CMSS1: variants seen among roughly 807,000 people sequenced by gnomAD.
The protein encoded by CMSS1 is protein CMSS1.
In CMSS1, 33 loss-of-function variants were observed where a neutral mutation model predicts 43.5. That is an observed-to-expected ratio of 0.76 (90% CI 0.57 to 1.01). The LOEUF (loss-of-function observed/expected upper bound fraction) is 1.01. Among genes scored for constraint, CMSS1 ranks in the 50% least tolerant of loss-of-function variants. The pLI is 0.00. For synonymous variants in CMSS1, 115 were observed against 117.2 expected (o/e 0.98, Z 0.12); for missense variants, 313 against 326.4 (o/e 0.96, Z 0.32).
At chr3:100,175,220 GT>G (rs1314086563) in intron 8 of CMSS1, among the ~76,000 whole-genome samples, 1 of 152,058 alleles carries the variant, frequency 6.6e-6, no homozygotes, top group African/African-American at 2.4e-5. Flanking sequence ...CTATGTTTAT[GT>G]TTCTGATGCT....
intron 1 of CMSS1, among the ~76,000 whole-genome samples, chr3:99,863,452 T>C (rs1000783729): frequency 6.6e-6 from 1 of 152,192 alleles, no homozygotes; most frequent in Non-Finnish European, 1.5e-5. Context: ...TATATACTAT[T>C]CCTGGGCTTG....
At chr3:99,834,691 C>T (rs542415300) in intron 1 of CMSS1, among the ~76,000 whole-genome samples, 1 of 152,102 alleles carries the variant, frequency 6.6e-6, no homozygotes, top group East Asian at 1.9e-4. Flanking sequence ...CTGTGTCTTT[C>T]TCATTTCTTC....
intron 1 of CMSS1, among the ~76,000 whole-genome samples, chr3:100,115,952 T>C (rs1345943319): frequency 6.6e-6 from 1 of 152,228 alleles, no homozygotes; most frequent in Non-Finnish European, 1.5e-5. Context: ...CTTTTTTATA[T>C]GTGACCTTCA....
chr3:99,928,333 C>T (rs1271185174), intron 1 of CMSS1, among the ~76,000 whole-genome samples: 1 of 152,100 alleles, frequency 6.6e-6, no homozygotes, highest in Non-Finnish European at 1.5e-5. Context: ...CGAGGAATTG[C>T]ATAAACTGAT....
chr3:99,868,932 C>T (rs867472948), intron 1 of CMSS1, among the ~76,000 whole-genome samples: 9 of 152,180 alleles, frequency 5.9e-5, no homozygotes, highest in South Asian at 4.2e-4. Flanking sequence ...TTACTTTTGC[C>T]GTTAAGCCAA....
At chr3:100,156,010 C>T (rs2066969234) in intron 2 of CMSS1, among the ~76,000 whole-genome samples, 1 of 152,120 alleles carries the variant, frequency 6.6e-6, no homozygotes, top group South Asian at 2.1e-4. Context: ...GTACCCTATA[C>T]CTAATGGGCT....
chr3:100,134,617 C>G (rs2066735484), intron 1 of CMSS1, among the ~76,000 whole-genome samples: 1 of 152,004 alleles, frequency 6.6e-6, no homozygotes, highest in African/African-American at 2.4e-5. Flanking sequence ...CAGGACTAGC[C>G]AAGGCAAACC....
intron 1 of CMSS1, among the ~76,000 whole-genome samples, chr3:100,108,099 C>A (rs1195905809): frequency 1.3e-5 from 2 of 151,966 alleles, no homozygotes; most frequent in Non-Finnish European, 2.9e-5. Context: ...AACTTAGGGT[C>A]CCAAAGAAAA....
Position 100,178,530 on chromosome 3 carries a change from G to A in CMSS1, c.*142G>A, listed in dbSNP as rs1243077878. 6.9e-6 allele frequency: 4 copies of A among 579,232 alleles called. No individual in the cohort carries two copies. The highest frequency in any genetic ancestry group is 1.2e-5 in the Non-Finnish European group (4 of 324,126). 35.9% of individuals were successfully genotyped at this position (579,232 alleles called of 1,614,324 possible). A position where few individuals can be genotyped will look rare whatever the true frequency, so the allele number is the denominator to read the frequency against. On this transcript the variant is annotated 3_prime_UTR_variant, in exon 10 of 10. Coordinates refer to ENST00000421999, the MANE Select transcript of CMSS1 (RefSeq NM_032359.4). ...AACAGATGGATCACTGGAATGTGGG[G>A]ATTCTGAAACAGAAATGAAACTGTC...
At chr3:99,953,171 T>C (rs1261910879) in intron 1 of CMSS1, among the ~76,000 whole-genome samples, 3 of 152,230 alleles carry the variant, frequency 2.0e-5, no homozygotes, top group Non-Finnish European at 2.9e-5. Flanking sequence ...ATATTATCTT[T>C]TTGTATTTCA....
chr3:100,086,337 C>A (rs920425959), intron 1 of CMSS1, among the ~76,000 whole-genome samples: 2 of 152,150 alleles, frequency 1.3e-5, no homozygotes, highest in Non-Finnish European at 2.9e-5. Flanking sequence ...ACATCAATAT[C>A]ATTGATTATA....
At chr3:100,161,579 G>T (rs901828914) in intron 3 of CMSS1, among the ~76,000 whole-genome samples, 2 of 152,060 alleles carry the variant, frequency 1.3e-5, no homozygotes, top group African/African-American at 4.8e-5. Context: ...GGGGTCAGGG[G>T]TGGGGAATGC....
intron 1 of CMSS1, among the ~76,000 whole-genome samples, chr3:99,891,567 T>TG (rs1318466486): frequency 6.6e-6 from 1 of 152,132 alleles, no homozygotes; most frequent in African/African-American, 2.4e-5. Context: ...TTGGATTTTT[T>TG]GGGTTTTTTT....
chr3:100,011,188 A>G (rs971744738), intron 1 of CMSS1, among the ~76,000 whole-genome samples: 1 of 152,172 alleles, frequency 6.6e-6, no homozygotes, highest in African/African-American at 2.4e-5. Context: ...ATTAGTAAGA[A>G]GGATGTCTAT....
At chr3:99,930,974 A>G in intron 1 of CMSS1, 1 of 1,613,622 alleles carries the variant, frequency 6.2e-7, no homozygotes, top group Non-Finnish European at 8.5e-7. Flanking sequence ...ATGTCTTGGA[A>G]ATTTCTTTTG....
At chr3:100,035,397 C>T (rs1036996145) in intron 1 of CMSS1, among the ~76,000 whole-genome samples, 2 of 152,114 alleles carry the variant, frequency 1.3e-5, no homozygotes, top group Non-Finnish European at 2.9e-5. Context: ...CCTCAGCCTC[C>T]GGAGTAGCTG....
rs148649495 is a variant in CMSS1 at position 100,094,024 on chromosome 3, G to C, written c.65-52949G>C. 2.1e-3 allele frequency among the ~76,000 whole-genome samples: 319 copies of C among 152,276 alleles called. 1 individual carries two copies. The highest frequency in any genetic ancestry group is 0.014 in the Middle Eastern group (4 of 294). ...CATATGGTAGTTTTATAGAGTTACT[G>C]TACCAACTTACATTCCTACCAGCAA... On this transcript the variant is annotated intron_variant, in intron 1 of 9. Coordinates refer to ENST00000421999, the MANE Select transcript of CMSS1 (RefSeq NM_032359.4).
chr3:100,037,700 T>G (rs993945414), intron 1 of CMSS1, among the ~76,000 whole-genome samples: 5 of 152,212 alleles, frequency 3.3e-5, no homozygotes, highest in African/African-American at 1.2e-4. Flanking sequence ...AGCTCTGTCC[T>G]GATAAGTTTC....
chr3:99,930,930 T>C, intron 1 of CMSS1: 1 of 1,613,810 alleles, frequency 6.2e-7, no homozygotes. Flanking sequence ...CTATGCTTCA[T>C]GTTTTTAGGC....
Sources: allele counts gnomAD v4.1 joint callset (sites outside exome capture counted in the v4.1 genomes callset), GRCh38; gene constraint gnomAD v4.1.1; transcripts MANE v1.5; gene names NCBI Gene and HGNC (gene_info 2026-07-23, HGNC 2026-07-21).